The following RAB6A variants were observed in gnomAD, a reference collection of about 807,000 sequenced individuals.
The protein encoded by RAB6A is RAB6A, member RAS oncogene family, also known as ras-related protein Rab-6A.
RAB6A carries 8 observed loss-of-function variants against 32.3 expected under a neutral mutation model. The ratio of observed to expected loss-of-function variants is 0.25; its 90% CI spans 0.15 to 0.45. The LOEUF is 0.45. RAB6A is among the 20% of genes least tolerant of loss of function. RAB6A has a pLI of 1.00. For missense variants in RAB6A, 104 were observed against 249.4 expected (o/e 0.42, Z 3.93); for synonymous variants, 73 against 82.1 (o/e 0.89, Z 0.60).
intron 6 of RAB6A, among the ~76,000 whole-genome samples, chr11:73,687,434 T>C (rs1395826572): frequency 6.6e-6 from 1 of 152,208 alleles, no homozygotes; most frequent in African/African-American, 2.4e-5. Flanking sequence ...TCCTCTCATC[T>C]TGGCCTCCCA....
chr11:73,751,092 A>G (rs1183821186), intron 1 of RAB6A, among the ~76,000 whole-genome samples: 1 of 152,120 alleles, frequency 6.6e-6, no homozygotes, highest in East Asian at 1.9e-4. Flanking sequence ...GGTGTGAGTC[A>G]CCATGCCCCC....
At chr11:73,709,915 A>G (rs1213309835) in intron 5 of RAB6A, among the ~76,000 whole-genome samples, 1 of 143,530 alleles carries the variant, frequency 7.0e-6, no homozygotes, top group African/African-American at 2.7e-5. Flanking sequence ...ATATATACAT[A>G]TATATACACA....
At chr11:73,750,693 T>C (rs187832976) in intron 1 of RAB6A, among the ~76,000 whole-genome samples, 9 of 152,320 alleles carry the variant, frequency 5.9e-5, no homozygotes, top group African/African-American at 1.9e-4. Flanking sequence ...TATTCCATTG[T>C]ATGCATGTGT....
intron 2 of RAB6A, among the ~76,000 whole-genome samples, chr11:73,724,676 C>G (rs551373158): frequency 1.3e-5 from 2 of 151,986 alleles, no homozygotes; most frequent in Non-Finnish European, 2.9e-5. Context: ...TTAGTAGAGA[C>G]GGGGTTTCAC....
At chr11:73,702,234 T>A (rs1329199597) in intron 6 of RAB6A, among the ~76,000 whole-genome samples, 1 of 152,230 alleles carries the variant, frequency 6.6e-6, no homozygotes, top group Non-Finnish European at 1.5e-5. Flanking sequence ...CAATCATGCC[T>A]CACTGCAGCC....
intron 6 of RAB6A, among the ~76,000 whole-genome samples, chr11:73,706,587 G>C (rs1477213490): frequency 1.3e-5 from 2 of 151,908 alleles, no homozygotes; most frequent in Non-Finnish European, 2.9e-5. Context: ...ATACAGCCTT[G>C]AAGAGTTAAG....
At chr11:73,694,761 T>G (rs991646596) in intron 6 of RAB6A, among the ~76,000 whole-genome samples, 1 of 152,026 alleles carries the variant, frequency 6.6e-6, no homozygotes, top group African/African-American at 2.4e-5. Flanking sequence ...TGCCTATAAT[T>G]CCAGCACTCT....
Position 73,677,487 on chromosome 11 carries a change from AT to A in RAB6A, c.*410del, listed in dbSNP as rs1464530662. ...CTAGGTAAGAATAGGGTAATAGGGAATGGGGGTAAGTGAGAGGTGAGAAAAG... is the reference window on the plus strand; with the variant it reads ...CTAGGTAAGAATAGGGTAATAGGGAAGGGGGTAAGTGAGAGGTGAGAAAAG... On this transcript the variant is annotated 3_prime_UTR_variant, in exon 8 of 8. Transcript: ENST00000336083. 2 of 315,956 alleles carry A rather than the reference AT, an allele frequency of 6.3e-6. No individual in the cohort carries two copies. The highest frequency in any genetic ancestry group is 4.4e-5 in the African/African-American group (2 of 45,570). 19.6% of individuals were successfully genotyped at this position (315,956 alleles called of 1,614,324 possible). A position where few individuals can be genotyped will look rare whatever the true frequency, so the allele number is the denominator to read the frequency against.
intron 5 of RAB6A, among the ~76,000 whole-genome samples, chr11:73,715,932 A>C (rs547347363): frequency 6.6e-6 from 1 of 152,358 alleles, no homozygotes; most frequent in South Asian, 2.1e-4. Context: ...GTTTTTCCAA[A>C]ATGGCTTGCT....
intron 1 of RAB6A, among the ~76,000 whole-genome samples, chr11:73,749,653 A>G (rs1032846056): frequency 1.1e-4 from 17 of 152,222 alleles, no homozygotes; most frequent in African/African-American, 3.9e-4. Flanking sequence ...CTCAAGGCCA[A>G]GAGTTTGAGA....
At chr11:73,733,321 G>A (rs1946346114) in intron 1 of RAB6A, among the ~76,000 whole-genome samples, 1 of 152,114 alleles carries the variant, frequency 6.6e-6, no homozygotes, top group African/African-American at 2.4e-5. Context: ...GGCTGAGGCA[G>A]GCAGATCACC....
intron 6 of RAB6A, among the ~76,000 whole-genome samples, chr11:73,684,661 T>C (rs1945413285): frequency 6.6e-6 from 1 of 152,188 alleles, no homozygotes; most frequent in Non-Finnish European, 1.5e-5. Context: ...GCCTCAATGA[T>C]TTTAACACCT....
intron 6 of RAB6A, among the ~76,000 whole-genome samples, chr11:73,699,365 G>A (rs186460314): frequency 7.9e-5 from 12 of 152,190 alleles, no homozygotes; most frequent in Admixed American, 4.6e-4. Flanking sequence ...GTCAAGTGAC[G>A]GTCCCATCTC....
chr11:73,686,332 GA>G (rs1945455360), intron 6 of RAB6A, among the ~76,000 whole-genome samples: 1 of 152,118 alleles, frequency 6.6e-6, no homozygotes, highest in South Asian at 2.1e-4. Context: ...AAGGTGGGGG[GA>G]TCATTTGAGG....
chr11:73,697,317 T>C (rs1945669798), intron 6 of RAB6A, among the ~76,000 whole-genome samples: 1 of 152,036 alleles, frequency 6.6e-6, no homozygotes, highest in African/African-American at 2.4e-5. Context: ...CCCTACTTTA[T>C]TTTTCTGTTT....
At chr11:73,734,718 A>G (rs1010155929) in intron 1 of RAB6A, among the ~76,000 whole-genome samples, 3 of 152,144 alleles carry the variant, frequency 2.0e-5, no homozygotes, top group Non-Finnish European at 2.9e-5. Context: ...ATCTGACAGG[A>G]GGTGGAGCTC....
In RAB6A at chr11:73,722,307, A is replaced by ATGTGCGTG. The variant is rs1231102849; in HGVS notation, c.130-1409_130-1408insCACGCACA. The ATGTGCGTG allele has an allele frequency of 8.0e-5, 5 of 62,510 alleles. No homozygotes were observed. In the Admixed American group the frequency reaches 9.6e-4, roughly 12 times the overall value. 3.9% of individuals were successfully genotyped at this position (62,510 alleles called of 1,614,324 possible). A position where few individuals can be genotyped will look rare whatever the true frequency, so the allele number is the denominator to read the frequency against. ...AATTCAAATATATATGTGTGTGTGT[A>ATGTGCGTG]TATATATATATATATATATATATAT... On this transcript the variant is annotated intron_variant, in intron 2 of 7. Coordinates refer to ENST00000336083, the MANE Select transcript of RAB6A (RefSeq NM_198896.2).
At chr11:73,683,251 CTTTTT>C (rs34363473) in intron 6 of RAB6A, among the ~76,000 whole-genome samples, 43 of 92,554 alleles carry the variant, frequency 4.6e-4, no homozygotes, top group Non-Finnish European at 7.4e-4. Flanking sequence ...ATAGACCCAT[CTTTTT>C]TTTTTTTTTT....
chr11:73,740,863 G>A (rs1343867089), intron 1 of RAB6A, among the ~76,000 whole-genome samples: 1 of 151,572 alleles, frequency 6.6e-6, no homozygotes, highest in Non-Finnish European at 1.5e-5. Context: ...ACTCCAGCCT[G>A]GGCAACAGAG....
Sources: gnomAD v4.1 joint callset for allele counts (sites outside exome capture counted in the v4.1 genomes callset) on GRCh38, gnomAD v4.1.1 for gene constraint, MANE v1.5 for transcripts, NCBI Gene and HGNC (gene_info 2026-07-23, HGNC 2026-07-21) for gene names.